The following PCDH19 variants were observed in gnomAD, a reference collection of about 807,000 sequenced individuals.
The protein encoded by PCDH19 is protocadherin-19.
Under a neutral mutation model 46.2 loss-of-function variants are expected in PCDH19, and 6 were observed. The observed-to-expected ratio is 0.13, with a 90% CI of 0.07 to 0.26. PCDH19 has a LOEUF of 0.26. PCDH19 is among the 10% of genes least tolerant of loss of function. PCDH19 has a pLI of 1.00. For missense variants in PCDH19, 740 were observed against 972.3 expected (o/e 0.76, Z 3.18); for synonymous variants, 481 against 415.7 (o/e 1.16, Z -1.91).
intron 5 of PCDH19, among the ~76,000 whole-genome samples, chrX:100,323,190 C>T (rs1330649188): frequency 9.1e-6 from 1 of 110,366 alleles, no homozygotes; most frequent in Admixed American, 9.7e-5. Flanking sequence ...GGTGCCAGTT[C>T]TGTAGACATA....
At position 100,296,637 on chromosome X, in the gene PCDH19, C is replaced by T; in HGVS notation, c.3087G>A (p.Glu1029=). 6.6e-6 allele frequency: 8 copies of T among 1,211,534 alleles called. No homozygotes were observed. Among genetic ancestry groups the T allele is most frequent in the Non-Finnish European group, 7.8e-6 (7 of 895,394 alleles). ...GKDVSDHPAE[E]RPTLKGKRTV... ...TCCTCTTGCCTTTCAGGGTAGGCCT[C>T]TCCTCAGCCGGGTGGTCGCTGACAT... is the stretch of plus-strand genomic sequence containing the variant. The change falls in exon 6 of 6, where the codon GAG becomes GAA. Residue 1029 remains glutamate (E), a synonymous_variant. Transcript: ENST00000373034.
chrX:100,345,583 T>A (rs1203955890), intron 4 of PCDH19, among the ~76,000 whole-genome samples: 2 of 111,652 alleles, frequency 1.8e-5, no homozygotes, highest in Non-Finnish European at 3.8e-5. Flanking sequence ...TTTAAAAAAT[T>A]GATCATCTTT....
At chrX:100,379,329 A>G (rs1448939721) in intron 3 of PCDH19, among the ~76,000 whole-genome samples, 2 of 4,386 alleles carry the variant, frequency 4.6e-4, no homozygotes, top group African/African-American at 4.9e-4. Context: ...ACACACACAC[A>G]CACACACACA....
intron 5 of PCDH19, among the ~76,000 whole-genome samples, chrX:100,298,146 GTTTT>G (rs1924674794): frequency 9.0e-6 from 1 of 110,923 alleles, no homozygotes. Flanking sequence ...TATTTTTGGT[GTTTT>G]TTGTTTGCTT....
chrX:100,393,679 G>A (rs990362929), intron 3 of PCDH19, among the ~76,000 whole-genome samples: 1 of 111,489 alleles, frequency 9.0e-6, no homozygotes, highest in Non-Finnish European at 1.9e-5. Flanking sequence ...ATTTGGGAGC[G>A]AAAATAATCC....
intron 3 of PCDH19, among the ~76,000 whole-genome samples, chrX:100,367,149 C>T (rs961947190): frequency 3.5e-5 from 4 of 112,714 alleles, no homozygotes. Flanking sequence ...CCTCGACTGA[C>T]TGTTGCAGAA....
intron 3 of PCDH19, among the ~76,000 whole-genome samples, chrX:100,353,235 G>C (rs192725308): frequency 8.9e-6 from 1 of 111,889 alleles, no homozygotes; most frequent in Non-Finnish European, 1.9e-5. Context: ...CAAGAAGATT[G>C]GTAAAGAGAC....
intron 3 of PCDH19, among the ~76,000 whole-genome samples, chrX:100,357,129 A>C (rs997408799): frequency 8.9e-6 from 1 of 111,847 alleles, no homozygotes; most frequent in Admixed American, 9.5e-5. Context: ...TTTACCAGAG[A>C]TGATCAAAAT....
intron 1 of PCDH19, among the ~76,000 whole-genome samples, chrX:100,405,125 G>T (rs1928306113): frequency 8.9e-6 from 1 of 112,289 alleles, no homozygotes; most frequent in Admixed American, 9.4e-5. Context: ...TAATTGCATG[G>T]CTGTTACATA....
chrX:100,372,010 A>C (rs1346390922), intron 3 of PCDH19, among the ~76,000 whole-genome samples: 2 of 111,753 alleles, frequency 1.8e-5, no homozygotes, highest in East Asian at 2.8e-4. Flanking sequence ...GCCAAGGCGG[A>C]TGGATCACTT....
Position 100,296,095 on chromosome X carries a change from C to T in PCDH19, c.*182G>A, listed in dbSNP as rs1001784199. ...AAAGCTAATTTGCTCCAACTGAACA[C>T]CCCTGCTGCCTGTTGAAACAAGGGA... is the stretch of plus-strand genomic sequence containing the variant. On this transcript the variant is annotated 3_prime_UTR_variant, in exon 6 of 6. Coordinates refer to ENST00000373034, the MANE Select transcript of PCDH19 (RefSeq NM_001184880.2). The T allele has an allele frequency of 2.6e-5, 12 of 467,947 alleles. No individual in the cohort carries two copies. The highest frequency in any genetic ancestry group is 2.3e-4 in the South Asian group (7 of 31,100). 38.6% of individuals were successfully genotyped at this position (467,947 alleles called of 1,213,427 possible). A position where few individuals can be genotyped will look rare whatever the true frequency, so the allele number is the denominator to read the frequency against.
Position 100,296,505 on chromosome X carries a change from G to A in PCDH19, c.3219C>T (p.Ser1073=), listed in dbSNP as rs1465124871. ...SPVTSPLHLK[S]SLPTKPSVSY... ...ACACGGAAGGCTTGGTGGGCAGAGA[G>A]CTCTTGAGGTGGAGGGGGGAGGTGA... Residue 1073 remains serine (S), a synonymous_variant, in exon 6 of 6, where the codon AGC becomes AGT. Coordinates refer to ENST00000373034, the MANE Select transcript of PCDH19 (RefSeq NM_001184880.2). 1 of 1,211,334 alleles carries A rather than the reference G, an allele frequency of 8.3e-7. No individual in the cohort carries two copies. The highest frequency in any genetic ancestry group is 1.1e-6 in the Non-Finnish European group (1 of 895,180).
chrX:100,373,293 C>T (rs1927279187), intron 3 of PCDH19, among the ~76,000 whole-genome samples: 1 of 112,861 alleles, frequency 8.9e-6, no homozygotes, highest in African/African-American at 3.2e-5. Flanking sequence ...GAGCCACCTC[C>T]CCCAGCCTCC....
chrX:100,394,545 CA>C lies in PCDH19; in HGVS notation c.2616+7978del, dbSNP rs1297681794. On this transcript the variant is annotated intron_variant, in intron 3 of 5. Transcript: ENST00000373034. ...CAGGAACGAGCTCTACAGGTGAAGA[CA>C]AAAAAAAATTCGTGATGGGCTTCTG... Among the ~76,000 whole-genome samples, 4 of 109,640 alleles carry C rather than the reference CA, an allele frequency of 3.6e-5. No homozygotes were observed. In the South Asian group the frequency reaches 1.5e-3, roughly 42 times the overall value.
chrX:100,348,954 G>T (rs1443135974), intron 4 of PCDH19, among the ~76,000 whole-genome samples: 1 of 101,076 alleles, frequency 9.9e-6, no homozygotes, highest in Non-Finnish European at 2.0e-5. Flanking sequence ...ATGGTGGGGG[G>T]TGGGGGGGAG....
chrX:100,319,586 T>C (rs1241104930), intron 5 of PCDH19, among the ~76,000 whole-genome samples: 1 of 111,896 alleles, frequency 8.9e-6, no homozygotes, highest in Non-Finnish European at 1.9e-5. Flanking sequence ...ATGAAATCAC[T>C]GGAGATAATG....
chrX:100,332,841 C>T (rs887026478), intron 5 of PCDH19, among the ~76,000 whole-genome samples: 2 of 107,831 alleles, frequency 1.9e-5, no homozygotes, highest in African/African-American at 6.8e-5. Context: ...ATAGCAAAAT[C>T]CCGTCTCTAC....
intron 3 of PCDH19, among the ~76,000 whole-genome samples, chrX:100,352,817 C>A (rs1360277049): frequency 1.8e-5 from 2 of 112,049 alleles, no homozygotes; most frequent in African/African-American, 6.5e-5. Context: ...CCTGTGCAGT[C>A]TGCAGGACCA....
At chrX:100,398,184 T>C (rs1928079458) in intron 3 of PCDH19, among the ~76,000 whole-genome samples, 1 of 112,150 alleles carries the variant, frequency 8.9e-6, no homozygotes, top group East Asian at 2.8e-4. Flanking sequence ...AAAGGCATCC[T>C]CCACTTTGCC....
Sources: gnomAD v4.1 joint callset for allele counts (sites outside exome capture counted in the v4.1 genomes callset) on GRCh38, gnomAD v4.1.1 for gene constraint, MANE v1.5 for transcripts, NCBI Gene and HGNC (gene_info 2026-07-23, HGNC 2026-07-21) for gene names.